TMEM132C: variants seen among roughly 807,000 people sequenced by gnomAD.
The protein encoded by TMEM132C is transmembrane protein 132C.
Under a neutral mutation model 61.4 loss-of-function variants are expected in TMEM132C, and 29 were observed. The ratio of observed to expected loss-of-function variants is 0.47; its 90% confidence interval spans 0.35 to 0.64. The LOEUF (loss-of-function observed/expected upper bound fraction) is 0.64. Ranked by LOEUF, TMEM132C falls within the 30% of genes least tolerant of loss-of-function variation. The pLI is 0.00. For synonymous variants in TMEM132C, 656 were observed against 633.1 expected, an observed-to-expected ratio of 1.04 and a Z score of -0.54; for missense variants, 1,408 against 1,476.9, an observed-to-expected ratio of 0.95 and a Z score of 0.76.
At chr12:128,275,728 A>G (rs553675868) in intron 1 of TMEM132C, among the ~76,000 whole-genome samples, 1 of 152,282 alleles carries the variant, frequency 6.6e-6, no homozygotes, top group African/African-American at 2.4e-5. Context: ...GGTTGACAAT[A>G]TTTAATGCAA....
chr12:128,530,783 G>A (rs1412577006), intron 2 of TMEM132C, among the ~76,000 whole-genome samples: 3 of 152,134 alleles, frequency 2.0e-5, no homozygotes, highest in African/African-American at 7.2e-5. Context: ...CTCATTCCAT[G>A]TAAATGTAAA....
At chr12:128,600,408 G>A (rs760984831) in intron 3 of TMEM132C, among the ~76,000 whole-genome samples, 7 of 152,156 alleles carry the variant, frequency 4.6e-5, no homozygotes, top group Non-Finnish European at 1.0e-4. Flanking sequence ...GGCCTCCCCA[G>A]CCATGCTGAA....
intron 1 of TMEM132C, among the ~76,000 whole-genome samples, chr12:128,333,176 G>T (rs543124855): frequency 6.6e-6 from 1 of 151,224 alleles, no homozygotes; most frequent in East Asian, 1.9e-4. Flanking sequence ...TGTGTTGTGT[G>T]TGGGAGTGTG....
intron 5 of TMEM132C, among the ~76,000 whole-genome samples, chr12:128,692,860 G>C (rs1226861287): frequency 2.0e-5 from 3 of 152,120 alleles, no homozygotes; most frequent in Admixed American, 6.5e-5. Flanking sequence ...TTTTTAGTCT[G>C]TGTGTTTATT....
intron 2 of TMEM132C, among the ~76,000 whole-genome samples, chr12:128,498,843 TA>T (rs201040252): frequency 2.7e-5 from 4 of 150,730 alleles, no homozygotes; most frequent in Non-Finnish European, 3.0e-5. Flanking sequence ...CCCTGAAAAC[TA>T]AAAAAAAACT....
At chr12:128,624,336 G>C (rs1224990971) in intron 4 of TMEM132C, among the ~76,000 whole-genome samples, 3 of 152,014 alleles carry the variant, frequency 2.0e-5, no homozygotes, top group Admixed American at 2.0e-4. Flanking sequence ...ACAAGGTCAG[G>C]AGTTCAAGAC....
intron 4 of TMEM132C, among the ~76,000 whole-genome samples, chr12:128,663,959 T>TGCGC (rs1555241292): frequency 1.6e-5 from 2 of 128,990 alleles, no homozygotes; most frequent in Admixed American, 7.7e-5. Context: ...CACACACACA[T>TGCGC]ACAGGCACAT....
At chr12:128,647,931 G>A (rs1164489244) in intron 4 of TMEM132C, among the ~76,000 whole-genome samples, 2 of 142,750 alleles carry the variant, frequency 1.4e-5, no homozygotes, top group African/African-American at 5.5e-5. Flanking sequence ...ATCAGCATTG[G>A]ATGAGTGTGT....
Position 128,267,435 on chromosome 12 carries a change from G to T in TMEM132C, c.33G>T (p.Ala11=). 1 of 1,249,044 alleles carries T rather than the reference G, an allele frequency of 8.0e-7. No homozygotes were observed. The highest frequency in any genetic ancestry group is 1.0e-6 in the Non-Finnish European group (1 of 998,014). 77.4% of individuals were successfully genotyped at this position (1,249,044 alleles called of 1,614,324 possible). Residue 11 remains alanine (A), a synonymous_variant, in exon 1 of 9, where the codon GCG becomes GCT. Coordinates refer to ENST00000435159, the MANE Select transcript of TMEM132C (RefSeq NM_001136103.3). ...CCGAGGGTGCGGCCCCCGGGCCGGC[G>T]GCGCCGCTGTGCGGGGCGCTGAGCC... MRSEGAAPGP[A]APLCGALSLL... is the part of the protein sequence containing the mutation.
In TMEM132C at chr12:128,278,214, C is replaced by T. The variant is rs748634496; in HGVS notation, c.85+10727C>T. Among the ~76,000 whole-genome samples the T allele has an allele frequency of 9.9e-5, 15 of 152,122 alleles. No homozygotes were observed. The highest frequency in any genetic ancestry group is 2.1e-4 in the South Asian group (1 of 4,830). ...ATGTTTCGGGGCATTTGTTCTGCTCCGGCTTTGTTCCCTCTTTCCTGCCTC... is the reference window on the plus strand; with the variant it reads ...ATGTTTCGGGGCATTTGTTCTGCTCTGGCTTTGTTCCCTCTTTCCTGCCTC... On this transcript the variant is annotated intron_variant, in intron 1 of 8. Coordinates refer to ENST00000435159, the MANE Select transcript of TMEM132C (RefSeq NM_001136103.3). This position sits in a 1 kb window ranked among gnomAD's most constrained non-coding sequence, Gnocchi z 4.2.
At chr12:128,425,731 T>A (rs1869160759) in intron 2 of TMEM132C, among the ~76,000 whole-genome samples, 1 of 152,200 alleles carries the variant, frequency 6.6e-6, no homozygotes, top group Non-Finnish European at 1.5e-5. Context: ...CCTTGGCTTG[T>A]GGCCACATCT....
At chr12:128,383,515 C>T (rs61938445) in intron 1 of TMEM132C, among the ~76,000 whole-genome samples, 33,069 of 152,054 alleles carry the variant, frequency 0.22, 4,246 homozygotes, top group South Asian at 0.37. Context: ...CTGGGTGTCC[C>T]GGGATTCAGG....
chr12:128,588,176 GT>G (rs1386226137), intron 3 of TMEM132C, among the ~76,000 whole-genome samples: 1 of 152,208 alleles, frequency 6.6e-6, no homozygotes, highest in African/African-American at 2.4e-5. Flanking sequence ...GCTCACACCT[GT>G]CATCTCAGCA....
At chr12:128,472,475 G>C (rs536600440) in intron 2 of TMEM132C, among the ~76,000 whole-genome samples, 2 of 152,322 alleles carry the variant, frequency 1.3e-5, no homozygotes, top group East Asian at 1.9e-4. Context: ...TATGCACTGG[G>C]AGCCTGAGGG....
In TMEM132C at chr12:128,374,983, A is replaced by G. The variant is rs1593030106; in HGVS notation, c.86-39749A>G. Among the ~76,000 whole-genome samples the G allele has an allele frequency of 8.8e-5, 4 of 45,244 alleles. No individual in the cohort carries two copies. The South Asian group carries it at 3.1e-3, about 35-fold the overall frequency. 29.7% of individuals were successfully genotyped at this position (45,244 alleles called of 152,430 possible). ...AAATAAAAGACAGCAGGGGATGAAA[A>G]CCATTCCCAGCCTCAGCACCATTCG... On this transcript the variant is annotated intron_variant, in intron 1 of 8. Transcript: ENST00000435159.
At chr12:128,464,562 G>A (rs934616680) in intron 2 of TMEM132C, among the ~76,000 whole-genome samples, 1 of 152,110 alleles carries the variant, frequency 6.6e-6, no homozygotes, top group African/African-American at 2.4e-5. Context: ...AGACCAGCCT[G>A]GGAAAAATAC....
At chr12:128,447,355 C>G (rs952778808) in intron 2 of TMEM132C, among the ~76,000 whole-genome samples, 5 of 152,026 alleles carry the variant, frequency 3.3e-5, no homozygotes, top group Admixed American at 2.6e-4. Flanking sequence ...ATACAACAGG[C>G]AAGAGGTAAT....
chr12:128,398,588 A>T (rs1185251459), intron 1 of TMEM132C, among the ~76,000 whole-genome samples: 1 of 152,224 alleles, frequency 6.6e-6, no homozygotes, highest in African/African-American at 2.4e-5. Context: ...CTGAGACAGG[A>T]TAGCGCAGAA....
intron 4 of TMEM132C, among the ~76,000 whole-genome samples, chr12:128,622,718 C>A (rs148203627): frequency 6.6e-6 from 1 of 152,156 alleles, no homozygotes; most frequent in African/African-American, 2.4e-5. Context: ...TCAAGAAGGG[C>A]AGAGGCAGGC....
Sources: allele counts gnomAD v4.1 joint callset (sites outside exome capture counted in the v4.1 genomes callset), GRCh38; gene constraint gnomAD v4.1.1; non-coding constraint Gnocchi (gnomAD v3.1); transcripts MANE v1.5; gene names NCBI Gene and HGNC (gene_info 2026-07-23, HGNC 2026-07-21).